Variants in GNAQ observed in about 807,000 individuals in gnomAD.
The protein encoded by GNAQ is G protein subunit alpha q.
A neutral mutation model predicts 43.9 loss-of-function variants in GNAQ; 8 were observed. That is an observed-to-expected ratio of 0.18 (90% CI 0.11 to 0.33). The LOEUF is 0.33. Ranked by LOEUF, GNAQ falls within the 10% of genes least tolerant of loss-of-function variation. The pLI is 1.00. For missense variants in GNAQ, 158 were observed against 450.8 expected (o/e 0.35, Z 5.88); for synonymous variants, 155 against 170.7 (o/e 0.91, Z 0.71).
At chr9:77,995,034 CTA>C (rs1823552064) in intron 1 of GNAQ, among the ~76,000 whole-genome samples, 1 of 152,174 alleles carries the variant, frequency 6.6e-6, no homozygotes, top group South Asian at 2.1e-4. Flanking sequence ...GATATATGGG[CTA>C]TGTGTGCTAT....
chr9:77,853,757 C>T (rs1171876500), intron 2 of GNAQ, among the ~76,000 whole-genome samples: 2 of 87,300 alleles, frequency 2.3e-5, no homozygotes, highest in African/African-American at 9.2e-5. Context: ...AATTTAGGAT[C>T]TTTGTGAAAT....
At chr9:77,941,310 C>G (rs1050776858) in intron 1 of GNAQ, among the ~76,000 whole-genome samples, 1 of 151,494 alleles carries the variant, frequency 6.6e-6, no homozygotes, top group Non-Finnish European at 1.5e-5. Context: ...AGTGCAGTGG[C>G]GCAATCTTGG....
At chr9:77,792,232 T>A (rs1826586525) in intron 5 of GNAQ, among the ~76,000 whole-genome samples, 1 of 152,100 alleles carries the variant, frequency 6.6e-6, no homozygotes. Context: ...TCTTATAGAA[T>A]TACCTAGACT....
chr9:77,808,106 C>T (rs985122897), intron 3 of GNAQ, among the ~76,000 whole-genome samples: 6 of 152,032 alleles, frequency 3.9e-5, no homozygotes, highest in Admixed American at 2.0e-4. Flanking sequence ...TCCAAATAAA[C>T]GTCCTGATAA....
intron 1 of GNAQ, among the ~76,000 whole-genome samples, chr9:78,019,938 A>AG (rs1823886761): frequency 6.6e-6 from 1 of 151,232 alleles, no homozygotes; most frequent in Admixed American, 6.6e-5. Context: ...AAAAAAAAAA[A>AG]AAAAGAAAGA....
chr9:77,955,052 G>A (rs1479742943), intron 1 of GNAQ, among the ~76,000 whole-genome samples: 5 of 152,212 alleles, frequency 3.3e-5, no homozygotes, highest in Non-Finnish European at 5.9e-5. Flanking sequence ...TAAGATACAC[G>A]TATGACACAG....
Position 77,794,443 on chromosome 9 carries a change from C to T in GNAQ, c.735+20G>A, listed in dbSNP as rs748284776. 3.3e-6 allele frequency: 5 copies of T among 1,537,500 alleles called. No individual in the cohort carries two copies. In the South Asian group the frequency reaches 4.8e-5, roughly 15 times the overall value. On this transcript the variant is annotated intron_variant, in intron 5 of 6. Coordinates refer to ENST00000286548, the MANE Select transcript of GNAQ (RefSeq NM_002072.5). The stretch of plus-strand genomic sequence containing the variant: ...CAGATAATAAAATGATAATCCATTG[C>T]CTGTCTAAAGAACACTTACCTCATT...
intron 2 of GNAQ, among the ~76,000 whole-genome samples, chr9:77,857,079 T>C (rs1827767152): frequency 6.6e-6 from 1 of 152,136 alleles, no homozygotes; most frequent in Non-Finnish European, 1.5e-5. Context: ...CCTCTAAAAC[T>C]ACAGCAAGGC....
chr9:78,012,102 C>A (rs1203501577), intron 1 of GNAQ, among the ~76,000 whole-genome samples: 1 of 152,112 alleles, frequency 6.6e-6, no homozygotes, highest in East Asian at 1.9e-4. Context: ...ACAGACTTAT[C>A]AAATCTATCT....
intron 6 of GNAQ, among the ~76,000 whole-genome samples, chr9:77,727,688 CATATGTTAT>C (rs1224493121): frequency 7.9e-5 from 12 of 152,156 alleles, no homozygotes; most frequent in Non-Finnish European, 1.2e-4. Context: ...TAAACGTACA[CATATGTTAT>C]ATACTACAGT....
chr9:77,955,373 C>T (rs767046764), intron 1 of GNAQ, among the ~76,000 whole-genome samples: 13 of 152,216 alleles, frequency 8.5e-5, no homozygotes, highest in Non-Finnish European at 1.6e-4. Flanking sequence ...GAACTCCTGA[C>T]CTTGTGATCC....
chr9:77,879,829 C>A (rs1348782538), intron 2 of GNAQ, among the ~76,000 whole-genome samples: 3 of 152,158 alleles, frequency 2.0e-5, no homozygotes, highest in Non-Finnish European at 2.9e-5. Flanking sequence ...TCTCACCTAA[C>A]CAGTTCACTA....
intron 2 of GNAQ, among the ~76,000 whole-genome samples, chr9:77,853,016 C>G (rs974249024): frequency 1.3e-5 from 2 of 152,170 alleles, no homozygotes; most frequent in African/African-American, 4.8e-5. Flanking sequence ...AAAGAACATA[C>G]ATTTTTCCTT....
chr9:77,903,207 G>T (rs899076288), intron 2 of GNAQ, among the ~76,000 whole-genome samples: 6 of 152,030 alleles, frequency 3.9e-5, no homozygotes, highest in African/African-American at 1.4e-4. Context: ...AAAGTTTGAG[G>T]AGCCCCAGAT....
intron 1 of GNAQ, among the ~76,000 whole-genome samples, chr9:77,965,929 ATCC>A (rs1823161616): frequency 1.3e-5 from 2 of 152,164 alleles, no homozygotes; most frequent in African/African-American, 2.4e-5. Flanking sequence ...ACTGGAAACA[ATCC>A]AAGTCTCCAT....
At chr9:77,771,158 G>A (rs745439457) in intron 5 of GNAQ, among the ~76,000 whole-genome samples, 1 of 152,178 alleles carries the variant, frequency 6.6e-6, no homozygotes, top group Non-Finnish European at 1.5e-5. Flanking sequence ...TAACCTGAAT[G>A]CAAGCTCTTT....
At chr9:78,012,740 T>C (rs547490810) in intron 1 of GNAQ, among the ~76,000 whole-genome samples, 2 of 152,270 alleles carry the variant, frequency 1.3e-5, no homozygotes, top group African/African-American at 2.4e-5. Flanking sequence ...ATGTACACAA[T>C]TTCTCAAGGA....
chr9:77,840,042 T>C (rs1315351773), intron 2 of GNAQ, among the ~76,000 whole-genome samples: 1 of 152,216 alleles, frequency 6.6e-6, no homozygotes, highest in Non-Finnish European at 1.5e-5. Context: ...TAATTCATTT[T>C]TCCTGTCTGG....
chr9:77,757,740 A>ATGAC (rs1192957796), intron 5 of GNAQ, among the ~76,000 whole-genome samples: 1 of 152,184 alleles, frequency 6.6e-6, no homozygotes, highest in Non-Finnish European at 1.5e-5. Flanking sequence ...AAGTCCATTA[A>ATGAC]TGACATAAAT....
Sources: gnomAD v4.1 joint callset for allele counts (sites outside exome capture counted in the v4.1 genomes callset) on GRCh38, gnomAD v4.1.1 for gene constraint, MANE v1.5 for transcripts, NCBI Gene and HGNC (gene_info 2026-07-23, HGNC 2026-07-21) for gene names.